The following SARM1 variants were observed in gnomAD, a reference collection of about 807,000 sequenced individuals.
SARM1 encodes the protein sterile alpha and TIR motif containing 1.
Under a neutral mutation model 65.1 loss-of-function variants are expected in SARM1, and 60 were observed. That is an observed-to-expected ratio of 0.92 (90% confidence interval 0.75 to 1.14). The LOEUF (loss-of-function observed/expected upper bound fraction) is 1.14. SARM1 is among the 50% of genes most tolerant of loss of function. SARM1 has a pLI of 0.00. For synonymous variants in SARM1, 417 were observed against 465.4 expected (o/e 0.90, Z 1.34); for missense variants, 913 against 1,015.7 (o/e 0.90, Z 1.37).
In SARM1 at chr17:28,399,533, A is replaced by C; in HGVS notation, c.*3247A>C. 1 of 974,532 alleles carries C rather than the reference A, an allele frequency of 1.0e-6. No homozygotes were observed. Among genetic ancestry groups the C allele is most frequent in the East Asian group, 2.6e-5 (1 of 39,014 alleles). The allele number at this position is 974,532 out of a possible 1,614,324, so 60.4% of individuals were successfully genotyped here. On this transcript the variant is annotated 3_prime_UTR_variant, in exon 9 of 9. Transcript: ENST00000585482. ...GGTCTCTCTTGACTACCTCGTCCAAAGAGAGCACTGCCCTTAGACAAGAGT... is the reference window on the plus strand; with the variant it reads ...GGTCTCTCTTGACTACCTCGTCCAACGAGAGCACTGCCCTTAGACAAGAGT...
chr17:28,372,537 C>G lies in SARM1; in HGVS notation c.470+35C>G. 6.1e-6 allele frequency: 9 copies of G among 1,479,728 alleles called. No individual in the cohort carries two copies. The highest frequency in any genetic ancestry group is 7.2e-6 in the Non-Finnish European group (8 of 1,113,682). 91.7% of individuals were successfully genotyped at this position (1,479,728 alleles called of 1,614,324 possible). A position where few individuals can be genotyped will look rare whatever the true frequency, so the allele number is the denominator to read the frequency against. On this transcript the variant is annotated intron_variant, in intron 1 of 8. Transcript: ENST00000585482. The surrounding 1 kb of genome is among the most constrained non-coding windows in gnomAD (Gnocchi z 5.2). ...CCAGGCCGGGGTTGGGAGAGCGCCG[C>G]GTGGTGTGGACAGTTAAGCGCCTGC...
chr17:28,392,635 C>T (rs1196127100), intron 7 of SARM1, among the ~76,000 whole-genome samples: 2 of 152,028 alleles, frequency 1.3e-5, no homozygotes, highest in Non-Finnish European at 2.9e-5. Flanking sequence ...ACCGGCCCCT[C>T]GTGGGCTGGG....
Position 28,372,265 on chromosome 17 carries a change from C to T in SARM1, c.233C>T (p.Ala78Val). 2 of 1,393,652 alleles carry T rather than the reference C, an allele frequency of 1.4e-6. No individual in the cohort carries two copies. The highest frequency in any genetic ancestry group is 1.8e-6 in the Non-Finnish European group (2 of 1,084,460). 86.3% of individuals were successfully genotyped at this position (1,393,652 alleles called of 1,614,324 possible). The change falls in exon 1 of 9, where the codon GCG (alanine) becomes GTG (valine). Residue 78 changes from alanine to valine, a missense_variant. Ala to Val is a moderately conservative substitution (Grantham distance 64). Around this residue, in one of 3 missense-constraint regions of SARM1, gnomAD observed 862 missense variants for 952.1 expected, o/e 0.91. Coordinates refer to ENST00000585482, the MANE Select transcript of SARM1 (RefSeq NM_015077.4). The surrounding 1 kb of genome is among the most constrained non-coding windows in gnomAD (Gnocchi z 5.2). ...ALPELQQALS[A>V]LKQAGGARAV... Reference sequence around the variant, plus strand: ...CCGGAGCTGCAGCAGGCCTTGTCCGCGCTGAAGCAGGCGGGCGGCGCGCGG... The same window carrying T: ...CCGGAGCTGCAGCAGGCCTTGTCCGTGCTGAAGCAGGCGGGCGGCGCGCGG...
At chr17:28,390,400 G>A (rs1555586704) in intron 7 of SARM1, among the ~76,000 whole-genome samples, 1 of 151,850 alleles carries the variant, frequency 6.6e-6, no homozygotes, top group Non-Finnish European at 1.5e-5. Context: ...TCCTGAGTCC[G>A]GAAAGAAAAA....
chr17:28,375,389 G>A (rs2067983147), intron 1 of SARM1, among the ~76,000 whole-genome samples: 1 of 152,170 alleles, frequency 6.6e-6, no homozygotes, highest in Admixed American at 6.5e-5. Context: ...CTGAGGTCAG[G>A]AGTTCGAGAC....
At chr17:28,391,300 G>C (rs2068078561) in intron 7 of SARM1, among the ~76,000 whole-genome samples, 1 of 152,186 alleles carries the variant, frequency 6.6e-6, no homozygotes, top group Admixed American at 6.5e-5. Context: ...CACACCACTG[G>C]CTGGATAAGA....
chr17:28,399,860 G>A lies in SARM1; in HGVS notation c.*3574G>A. 1 of 779,112 alleles carries A rather than the reference G, an allele frequency of 1.3e-6. No individual in the cohort carries two copies. The highest frequency in any genetic ancestry group is 1.5e-5 in the South Asian group (1 of 67,708). The allele number at this position is 779,112 out of a possible 1,614,324, so 48.3% of individuals were successfully genotyped here. ...TCCCCAAGCTGAGAAGCTGAGAGCT[G>A]GAGGACAATATCCAGGGACATGGCT... On this transcript the variant is annotated 3_prime_UTR_variant, in exon 9 of 9. Coordinates refer to ENST00000585482, the MANE Select transcript of SARM1 (RefSeq NM_015077.4).
intron 1 of SARM1, 79 bp from the exon 2 acceptor site, chr17:28,381,124 G>C: frequency 1.3e-6 from 2 of 1,483,708 alleles, no homozygotes; most frequent in Non-Finnish European, 1.8e-6. Context: ...GAGAGGGTTA[G>C]TGACCAGGCC....
Position 28,384,409 on chromosome 17 carries a change from C to T in SARM1, c.1142C>T (p.Ser381Phe). Residue 381 changes from serine to phenylalanine, a missense_variant, in exon 3 of 9, where the codon TCT (serine) becomes TTT (phenylalanine). By Grantham distance (155) the Ser-to-Phe change is radical. Coordinates refer to ENST00000585482, the MANE Select transcript of SARM1 (RefSeq NM_015077.4). The surrounding 1 kb of genome is among the most constrained non-coding windows in gnomAD (Gnocchi z 4.4). ...IQSLKRLVSY[S>F]TNGTKSALAK... ...AGCCTGAAACGCCTGGTTTCCTACT[C>T]TACCAATGGCACTAAGTCGGCGCTG... 2 of 1,612,378 alleles carry T rather than the reference C, an allele frequency of 1.2e-6. No individual in the cohort carries two copies. Among genetic ancestry groups the T allele is most frequent in the Non-Finnish European group, 1.7e-6 (2 of 1,179,110 alleles).
Position 28,401,013 on chromosome 17 carries a change from C to A in SARM1, c.*4727C>A. On this transcript the variant is annotated 3_prime_UTR_variant, in exon 9 of 9. Transcript: ENST00000585482. ...AATCCACATTAAAAGTACATGTGAT[C>A]TGACAGAACCCAGCACATAAAAGAA... 1 of 503,496 alleles carries A rather than the reference C, an allele frequency of 2.0e-6. No individual in the cohort carries two copies. Among genetic ancestry groups the A allele is most frequent in the Non-Finnish European group, 3.5e-6 (1 of 282,582 alleles). 31.2% of individuals were successfully genotyped at this position (503,496 alleles called of 1,614,324 possible).
Position 28,402,296 on chromosome 17 carries a change from T to C in SARM1, c.*6010T>C. The C allele has an allele frequency of 1.2e-6, 2 of 1,613,570 alleles. No homozygotes were observed. Among genetic ancestry groups the C allele is most frequent in the Non-Finnish European group, 1.7e-6 (2 of 1,179,730 alleles). ...TAGCCCGGATGACAGGTGTGATGAC[T>C]AATGACAGGAAAAGCAACCCATATC... On this transcript the variant is annotated 3_prime_UTR_variant, in exon 9 of 9. Transcript: ENST00000585482.
chr17:28,379,251 G>T (rs2068008210), intron 1 of SARM1, among the ~76,000 whole-genome samples: 1 of 140,484 alleles, frequency 7.1e-6, no homozygotes, highest in Non-Finnish European at 1.5e-5. Context: ...AAAATAAAAT[G>T]ATTTAGGTGA....
Position 28,372,333 on chromosome 17 carries a change from G to A in SARM1, c.301G>A (p.Glu101Lys). The A allele has an allele frequency of 2.7e-6, 4 of 1,483,252 alleles. No individual in the cohort carries two copies. The highest frequency in any genetic ancestry group is 3.6e-6 in the Non-Finnish European group (4 of 1,123,530). 91.9% of individuals were successfully genotyped at this position (1,483,252 alleles called of 1,614,324 possible). A position where few individuals can be genotyped will look rare whatever the true frequency, so the allele number is the denominator to read the frequency against. The change falls in exon 1 of 9, where the codon GAG (glutamate) becomes AAG (lysine). Residue 101 changes from glutamate (E) to lysine (K), a missense_variant. Transcript: ENST00000585482. The surrounding 1 kb of genome is among the most constrained non-coding windows in gnomAD (Gnocchi z 5.2). ...GGCCGAGGTCTTCCAACTGGTGGAG[G>A]AGGCCTGGCTGCTGCCGGCCGTGGG... The part of the protein sequence containing the change: ...GLAEVFQLVE[E>K]AWLLPAVGRE...
At position 28,402,378 on chromosome 17, in the gene SARM1, G is replaced by C; in HGVS notation, c.*6092G>C. The C allele has an allele frequency of 6.8e-7, 1 of 1,478,838 alleles. No homozygotes were observed. The highest frequency in any genetic ancestry group is 9.3e-7 in the Non-Finnish European group (1 of 1,069,540). The allele number at this position is 1,478,838 out of a possible 1,614,324, so 91.6% of individuals were successfully genotyped here. On this transcript the variant is annotated 3_prime_UTR_variant, in exon 9 of 9. Coordinates refer to ENST00000585482, the MANE Select transcript of SARM1 (RefSeq NM_015077.4). Reference sequence around the variant, plus strand: ...GGGGCTGGGGAGAGGGGCGTCCAAGGGAAAGGCAGCAGAGCTCCTATCCAT... The same window carrying C: ...GGGGCTGGGGAGAGGGGCGTCCAAGCGAAAGGCAGCAGAGCTCCTATCCAT...
rs2068191678 is a variant in SARM1 at position 28,401,032 on chromosome 17, AAAAG to A, written c.*4750_*4753del. The A allele has an allele frequency of 2.9e-6, 1 of 347,010 alleles. No homozygotes were observed. The highest frequency in any genetic ancestry group is 5.0e-6 in the Non-Finnish European group (1 of 201,868). The allele number at this position is 347,010 out of a possible 1,614,324, so 21.5% of individuals were successfully genotyped here. On this transcript the variant is annotated 3_prime_UTR_variant, in exon 9 of 9. Transcript: ENST00000585482. Reference sequence around the variant, plus strand: ...TGTGATCTGACAGAACCCAGCACATAAAAGAAAAAAAAAGTACATGTGATATTGT... The same window carrying A: ...TGTGATCTGACAGAACCCAGCACATAAAAAAAAAAGTACATGTGATATTGT...
In SARM1 at chr17:28,388,290, G is replaced by T; in HGVS notation, c.1733+14G>T. 6.4e-7 allele frequency: 1 copy of T among 1,568,396 alleles called. No homozygotes were observed. Among genetic ancestry groups the T allele is most frequent in the Non-Finnish European group, 8.6e-7 (1 of 1,157,110 alleles). ...CCAGCTGGCCAGGTGAGGAGGGGCG[G>T]GCGGGCAGCGACGGGGCGTGGGGAC... On this transcript the variant is annotated intron_variant, in intron 6 of 8. Coordinates refer to ENST00000585482, the MANE Select transcript of SARM1 (RefSeq NM_015077.4).
chr17:28,391,681 A>T (rs1278771322), intron 7 of SARM1, among the ~76,000 whole-genome samples: 1 of 150,006 alleles, frequency 6.7e-6, no homozygotes, highest in African/African-American at 2.5e-5. Flanking sequence ...CATGCATGGT[A>T]CAAAGGAGGC....
At chr17:28,395,816 C>A in intron 7 of SARM1, 89 bp from the exon 8 acceptor site, 1 of 1,510,858 alleles carries the variant, frequency 6.6e-7, no homozygotes, top group Admixed American at 1.7e-5. Flanking sequence ...GGCCCAGCCT[C>A]GGGCCAGTGG....
At position 28,396,042 on chromosome 17, in the gene SARM1, C is replaced by T; in HGVS notation, c.2045+16C>T. ...ACGGTATCAAGTGAGCCCCAGGGCC[C>T]TGGGACCAGGGGGGTAGGGTACAAA... On this transcript the variant is annotated intron_variant, in intron 8 of 8. Transcript: ENST00000585482. 6.2e-7 allele frequency: 1 copy of T among 1,613,862 alleles called. No individual in the cohort carries two copies. The highest frequency in any genetic ancestry group is 8.5e-7 in the Non-Finnish European group (1 of 1,179,820).
Sources: allele counts gnomAD v4.1 joint callset (sites outside exome capture counted in the v4.1 genomes callset), GRCh38; gene constraint gnomAD v4.1.1; regional missense constraint gnomAD v4.1.1; non-coding constraint Gnocchi (gnomAD v3.1); transcripts MANE v1.5; gene names NCBI Gene and HGNC (gene_info 2026-07-23, HGNC 2026-07-21).